The following KIF25 variants were observed in gnomAD, a reference collection of about 807,000 sequenced individuals.
The protein encoded by KIF25 is kinesin-like protein KIF25.
KIF25 carries 19 observed loss-of-function variants against 32.9 expected under a neutral mutation model. That is an observed-to-expected ratio of 0.58 (90% CI 0.40 to 0.85). KIF25 has a LOEUF of 0.85. Among genes scored for constraint, KIF25 ranks in the 40% least tolerant of loss-of-function variants. KIF25 has a pLI of 0.00. For missense variants in KIF25, 485 were observed against 507.0 expected, an observed-to-expected ratio of 0.96 and a Z score of 0.42; for synonymous variants, 225 against 213.7, an observed-to-expected ratio of 1.05 and a Z score of -0.46.
intron 4 of KIF25, among the ~76,000 whole-genome samples, chr6:168,005,451 G>T (rs761912311): frequency 4.7e-4 from 72 of 152,242 alleles, no homozygotes; most frequent in Non-Finnish European, 2.5e-4. Flanking sequence ...GAGACAGAGG[G>T]AAGGCGAGGG....
In KIF25 at chr6:168,033,923, G is replaced by A. The variant is rs1798978014; in HGVS notation, c.209G>A (p.Gly70Glu). The change falls in exon 8 of 13, where the codon GGA becomes GAA. Residue 70 changes from glycine to glutamate, a missense_variant. By Grantham distance (98) the Gly-to-Glu change is moderately conservative. Transcript: ENST00000643607. The stretch of plus-strand genomic sequence containing the variant: ...ATGGCGTATGGACAGACGGGCAGCG[G>A]AAAGAGCTATACCATGCTGGGACGC... The part of the protein sequence containing the change: ...CVMAYGQTGS[G>E]KSYTMLGRHS... 39 of 1,614,088 alleles carry A rather than the reference G, an allele frequency of 2.4e-5. No homozygotes were observed. Among genetic ancestry groups the A allele is most frequent in the Non-Finnish European group, 3.2e-5 (38 of 1,180,040 alleles).
chr6:168,030,771 A>G lies in KIF25; in HGVS notation c.93-2A>G. 2 of 1,608,364 alleles carry G rather than the reference A, an allele frequency of 1.2e-6. No homozygotes were observed. Among genetic ancestry groups the G allele is most frequent in the East Asian group, 2.3e-5 (1 of 44,434 alleles). Reference sequence around the variant, plus strand: ...ATACAGCATTTTCACTTTGTCTCTCAGGGTTTATGGTCCAGCAGAGTCTCA... The same window carrying G: ...ATACAGCATTTTCACTTTGTCTCTCGGGGTTTATGGTCCAGCAGAGTCTCA... On this transcript the variant is annotated splice_acceptor_variant, in intron 6 of 12. Coordinates refer to ENST00000643607, the MANE Select transcript of KIF25 (RefSeq NM_030615.4). LOFTEE classifies it high-confidence loss of function.
chr6:168,015,628 A>T (rs1798703003), intron 4 of KIF25, among the ~76,000 whole-genome samples: 1 of 152,210 alleles, frequency 6.6e-6, no homozygotes, highest in Non-Finnish European at 1.5e-5. Context: ...GAGCTTGAAA[A>T]TTTTGATAAA....
chr6:167,999,534 G>C (rs552328096), intron 2 of KIF25, among the ~76,000 whole-genome samples: 47 of 152,350 alleles, frequency 3.1e-4, no homozygotes, highest in African/African-American at 1.1e-3. Flanking sequence ...AGGCCAAACT[G>C]CCTGAGCAGG....
intron 4 of KIF25, among the ~76,000 whole-genome samples, chr6:168,013,175 C>T (rs1439866486): frequency 7.9e-5 from 12 of 151,782 alleles, no homozygotes; most frequent in African/African-American, 2.4e-4. Flanking sequence ...CCTCCTCTGG[C>T]CTGGAGGTGT....
chr6:168,031,523 ACGAGT>A (rs1798942179), intron 7 of KIF25, among the ~76,000 whole-genome samples: 1 of 152,370 alleles, frequency 6.6e-6, no homozygotes, highest in South Asian at 2.1e-4. Context: ...ACATGATCCA[ACGAGT>A]AGGGTCAAGT....
intron 12 of KIF25, among the ~76,000 whole-genome samples, chr6:168,042,922 C>T (rs1799151693): frequency 6.6e-6 from 1 of 152,176 alleles, no homozygotes; most frequent in Non-Finnish European, 1.5e-5. Flanking sequence ...CTTGTTCGGT[C>T]TGTGTGTGAC....
intron 5 of KIF25, among the ~76,000 whole-genome samples, chr6:168,021,397 C>T (rs1311151148): frequency 5.9e-5 from 9 of 152,244 alleles, no homozygotes; most frequent in Admixed American, 5.2e-4. Flanking sequence ...GAAGCTCCCT[C>T]GAAGACAGAT....
chr6:168,035,801 C>A (rs139385420), intron 8 of KIF25: 1 of 456,026 alleles, frequency 2.2e-6, no homozygotes, highest in Non-Finnish European at 4.4e-6. Flanking sequence ...TCTGCTCTTC[C>A]AAGTGAGTGG....
chr6:168,037,706 G>A (rs1799044618), intron 8 of KIF25, among the ~76,000 whole-genome samples: 1 of 152,092 alleles, frequency 6.6e-6, no homozygotes, highest in African/African-American at 2.4e-5. Flanking sequence ...CTACAAGCCA[G>A]TGCATAGTTC....
At chr6:168,024,365 T>C (rs930900485) in intron 5 of KIF25, among the ~76,000 whole-genome samples, 2 of 152,062 alleles carry the variant, frequency 1.3e-5, no homozygotes, top group African/African-American at 4.8e-5. Flanking sequence ...CACTATTGAT[T>C]TTGTCCTCTT....
At chr6:168,040,589 A>T (rs1799105336) in intron 10 of KIF25, among the ~76,000 whole-genome samples, 1 of 152,024 alleles carries the variant, frequency 6.6e-6, no homozygotes, top group Non-Finnish European at 1.5e-5. Flanking sequence ...GAAGAAGAAG[A>T]AGAAAAATCA....
At chr6:168,036,164 G>T (rs944738788) in intron 8 of KIF25, 5 of 173,056 alleles carry the variant, frequency 2.9e-5, no homozygotes, top group East Asian at 3.0e-4. Context: ...GGCTCTGCAC[G>T]CCTCTCTCCT....
At chr6:168,014,000 A>AATATATATATATATAT (rs56286678) in intron 4 of KIF25, among the ~76,000 whole-genome samples, 1 of 149,072 alleles carries the variant, frequency 6.7e-6, no homozygotes, top group Non-Finnish European at 1.5e-5. Flanking sequence ...CCACCATGCA[A>AATATATATATATATAT]ATATATATAT....
At chr6:168,038,058 G>A (rs1256032232) in intron 8 of KIF25, among the ~76,000 whole-genome samples, 2 of 152,166 alleles carry the variant, frequency 1.3e-5, no homozygotes, top group East Asian at 3.9e-4. Flanking sequence ...TACGGGTCTT[G>A]CAGGAAAGTT....
chr6:168,007,115 G>A (rs1409890802), intron 4 of KIF25, among the ~76,000 whole-genome samples: 3 of 152,162 alleles, frequency 2.0e-5, no homozygotes, highest in Non-Finnish European at 2.9e-5. Flanking sequence ...GACACATGTG[G>A]TAATCAGTTT....
chr6:168,040,576 G>A (rs57610864), intron 10 of KIF25, among the ~76,000 whole-genome samples: 3,330 of 146,706 alleles, frequency 0.023, 143 homozygotes, highest in African/African-American at 0.085. Flanking sequence ...AAAAAAAAAA[G>A]AAGAAGAAGA....
intron 2 of KIF25, among the ~76,000 whole-genome samples, chr6:168,001,763 G>A (rs547035605): frequency 1.1e-5 from 1 of 91,518 alleles, no homozygotes; most frequent in East Asian, 3.5e-4. Flanking sequence ...CCTCGGGCAG[G>A]TGAGAAAGAC....
At chr6:168,017,897 C>T (rs1798736853) in intron 4 of KIF25, 76 bp from the exon 5 acceptor site, 1 of 152,444 alleles carries the variant, frequency 6.6e-6, no homozygotes, top group African/African-American at 2.4e-5. Context: ...AGGCGGCAGG[C>T]TGGGGTTGGT....
Sources: gnomAD v4.1 joint callset for allele counts (sites outside exome capture counted in the v4.1 genomes callset) on GRCh38, gnomAD v4.1.1 for gene constraint, MANE v1.5 for transcripts, NCBI Gene and HGNC (gene_info 2026-07-23, HGNC 2026-07-21) for gene names.